The following XPO6 variants were observed in gnomAD, a reference collection of about 807,000 sequenced individuals.
XPO6 encodes the protein exportin 6.
A neutral mutation model predicts 130.0 loss-of-function variants in XPO6; 3 were observed. The observed-to-expected ratio is 0.02, with a 90% CI of 0.01 to 0.06. The LOEUF is 0.06. Ranked by LOEUF, XPO6 falls within the 10% of genes least tolerant of loss-of-function variation. The pLI is 1.00. For synonymous variants in XPO6, 524 were observed against 548.9 expected, an observed-to-expected ratio of 0.95 and a Z score of 0.63; for missense variants, 970 against 1,393.0, an observed-to-expected ratio of 0.70 and a Z score of 4.83.
intron 14 of XPO6, among the ~76,000 whole-genome samples, chr16:28,119,037 A>T (rs1174811891): frequency 6.6e-6 from 1 of 152,198 alleles, no homozygotes; most frequent in Non-Finnish European, 1.5e-5. Flanking sequence ...TGTTGCTGAA[A>T]CAGGGTCTCG....
chr16:28,156,322 G>A lies in XPO6; in HGVS notation c.849C>T (p.Asp283=), dbSNP rs749437328. ...CTGACGCCATCTTTCTGGCCCGGAT[G>A]TCACAGCCAAATCGTGCAAAGTGGA... ...TIFHFARFGC[D]IRARKMASVN... is the part of the protein sequence containing the mutation. The change falls in exon 7 of 24, where the codon GAC becomes GAT. Residue 283 remains aspartate, a synonymous_variant. Coordinates refer to ENST00000304658, the MANE Select transcript of XPO6 (RefSeq NM_015171.4). The A allele has an allele frequency of 1.9e-6, 3 of 1,613,982 alleles. No individual in the cohort carries two copies. Among genetic ancestry groups the A allele is most frequent in the African/African-American group, 2.7e-5 (2 of 74,902 alleles).
At chr16:28,104,520 T>C in intron 21 of XPO6, 26 bp downstream of exon 21, 1 of 1,613,136 alleles carries the variant, frequency 6.2e-7, no homozygotes. Flanking sequence ...GGAAGTCACC[T>C]GGCAGCAACC....
At chr16:28,167,092 A>G in intron 5 of XPO6, 6 of 963,576 alleles carry the variant, frequency 6.2e-6, no homozygotes, top group Non-Finnish European at 6.2e-6. Flanking sequence ...TCTCACTGCT[A>G]GAGTGACTCA....
intron 1 of XPO6, among the ~76,000 whole-genome samples, chr16:28,209,275 T>C (rs1242415973): frequency 6.6e-6 from 1 of 152,194 alleles, no homozygotes; most frequent in East Asian, 1.9e-4. Context: ...TTCACTAAAC[T>C]GTACACTTAA....
chr16:28,200,908 GCA>G (rs1249156164), intron 1 of XPO6, among the ~76,000 whole-genome samples: 8 of 152,052 alleles, frequency 5.3e-5, no homozygotes, highest in Non-Finnish European at 1.2e-4. Context: ...ACGACGACTA[GCA>G]CAGAGTGCAA....
At chr16:28,133,272 G>A (rs2141286798) in intron 11 of XPO6, among the ~76,000 whole-genome samples, 1 of 152,262 alleles carries the variant, frequency 6.6e-6, no homozygotes, top group Middle Eastern at 3.4e-3. Flanking sequence ...AGTAGGTGGA[G>A]GTTGCAGTGA....
At chr16:28,192,988 G>A (rs1214144074) in intron 1 of XPO6, among the ~76,000 whole-genome samples, 2 of 152,184 alleles carry the variant, frequency 1.3e-5, no homozygotes, top group East Asian at 3.9e-4. Flanking sequence ...GGCAAACCCC[G>A]CAAGCTCCTG....
At position 28,115,296 on chromosome 16, in the gene XPO6, A is replaced by G. The variant is rs1022799696; in HGVS notation, c.2004+2022T>C. The stretch of plus-strand genomic sequence containing the variant: ...GTCTTATGAAACGTATTTCTGAAAC[A>G]GTAAGACTTGAAAGCCAAAATTACC... On this transcript the variant is annotated intron_variant, in intron 15 of 23. Transcript: ENST00000304658. Among the ~76,000 whole-genome samples, 3 of 152,218 alleles carry G rather than the reference A, an allele frequency of 2.0e-5. No individual in the cohort carries two copies. In the South Asian group the frequency reaches 6.2e-4, roughly 32 times the overall value.
chr16:28,130,333 A>G (rs1186953692), intron 12 of XPO6, among the ~76,000 whole-genome samples: 1 of 152,248 alleles, frequency 6.6e-6, no homozygotes, highest in Non-Finnish European at 1.5e-5. Context: ...AGGCTGGGCT[A>G]GAAAGTAAAT....
chr16:28,188,113 T>C (rs539108473), intron 1 of XPO6, among the ~76,000 whole-genome samples: 4 of 152,270 alleles, frequency 2.6e-5, no homozygotes, highest in African/African-American at 9.6e-5. Context: ...TTTTTTAAAT[T>C]TTTTTTAAAT....
Position 28,112,864 on chromosome 16 carries a change from A to G in XPO6, c.2151+40T>C, listed in dbSNP as rs372002504. On this transcript the variant is annotated intron_variant, in intron 16 of 23. Coordinates refer to ENST00000304658, the MANE Select transcript of XPO6 (RefSeq NM_015171.4). ...TCCTCAGCTTCCTTGGGTCTCAGTC[A>G]CACAGCCCTGGGGACCCCGGGGGAG... The G allele has an allele frequency of 3.8e-6, 6 of 1,587,842 alleles. No homozygotes were observed. The African/African-American group carries it at 8.1e-5, about 21-fold the overall frequency.
In XPO6 at chr16:28,111,783, CT is replaced by C. The variant is rs569784409; in HGVS notation, c.2341+33del. The stretch of plus-strand genomic sequence containing the variant: ...ACAAAGAACAATGCCTGCCTACCTC[CT>C]TCCCCAGCTGTCCTAGCCTAGGGGT... On this transcript the variant is annotated intron_variant, in intron 17 of 23. Transcript: ENST00000304658. 8.9e-4 allele frequency: 1,426 copies of C among 1,604,874 alleles called. 14 individuals are homozygous for C. The African/African-American group carries it at 0.017, about 19-fold the overall frequency.
chr16:28,128,207 T>C (rs1276897710), intron 12 of XPO6, among the ~76,000 whole-genome samples: 1 of 152,202 alleles, frequency 6.6e-6, no homozygotes, highest in Non-Finnish European at 1.5e-5. Context: ...CAGGGTTGAC[T>C]TCTAAAACCT....
intron 15 of XPO6, among the ~76,000 whole-genome samples, chr16:28,113,426 C>T (rs958904109): frequency 6.6e-6 from 1 of 152,186 alleles, no homozygotes; most frequent in African/African-American, 2.4e-5. Flanking sequence ...CCAAGATCTC[C>T]CCGAGCCCCC....
chr16:28,141,753 G>C (rs1008623507), intron 9 of XPO6, among the ~76,000 whole-genome samples: 1 of 152,340 alleles, frequency 6.6e-6, no homozygotes, highest in South Asian at 2.1e-4. Flanking sequence ...GAGGTCAGGA[G>C]ATCGAGACCA....
At chr16:28,170,017 A>G (rs117006559) in intron 4 of XPO6, 108 bp from the exon 5 acceptor site, 50,368 of 1,368,516 alleles carry the variant, frequency 0.037, 1,158 homozygotes, top group Middle Eastern at 0.06. Context: ...ATCTTACATG[A>G]ACATAAATCA....
At chr16:28,128,158 C>T (rs943094638) in intron 12 of XPO6, among the ~76,000 whole-genome samples, 3 of 152,172 alleles carry the variant, frequency 2.0e-5, no homozygotes, top group Non-Finnish European at 2.9e-5. Context: ...CTCTGAATGT[C>T]AATGGGATTT....
intron 6 of XPO6, 90 bp from the exon 7 acceptor site, chr16:28,156,617 T>G: frequency 1.3e-6 from 1 of 769,818 alleles, no homozygotes; most frequent in Non-Finnish European, 1.9e-6. Context: ...TATATATATA[T>G]ATGTATACAT....
chr16:28,164,912 T>C (rs192199537), intron 6 of XPO6, among the ~76,000 whole-genome samples: 209 of 152,246 alleles, frequency 1.4e-3, no homozygotes, highest in African/African-American at 4.7e-3. Context: ...CTAAAATAAA[T>C]CTAACTCAAA....
Sources: gnomAD v4.1 joint callset for allele counts (sites outside exome capture counted in the v4.1 genomes callset) on GRCh38, gnomAD v4.1.1 for gene constraint, MANE v1.5 for transcripts, NCBI Gene and HGNC (gene_info 2026-07-23, HGNC 2026-07-21) for gene names.